ANKRD55: variants seen among roughly 807,000 people sequenced by gnomAD.
The protein encoded by ANKRD55 is ankyrin repeat domain 55, also known as ankyrin repeat domain-containing protein 55.
A neutral mutation model predicts 60.6 loss-of-function variants in ANKRD55; 41 were observed. That is an observed-to-expected ratio of 0.68 (90% CI 0.53 to 0.88). ANKRD55 has a LOEUF of 0.88. ANKRD55 is among the 40% of genes least tolerant of loss of function. The pLI, the probability that ANKRD55 is intolerant of heterozygous loss-of-function variation, is 0.00. For missense variants in ANKRD55, 732 were observed against 767.6 expected, an observed-to-expected ratio of 0.95 and a Z score of 0.55; for synonymous variants, 264 against 290.3, an observed-to-expected ratio of 0.91 and a Z score of 0.92.
intron 6 of ANKRD55, among the ~76,000 whole-genome samples, chr5:56,148,813 T>C (rs12515884): frequency 0.31 from 47,563 of 151,900 alleles, 8,621 homozygotes; most frequent in South Asian, 0.45. Context: ...GCTTGGTTTG[T>C]TCCCCGTCTT....
intron 2 of ANKRD55, among the ~76,000 whole-genome samples, chr5:56,225,965 G>C (rs1045309136): frequency 6.6e-6 from 1 of 152,144 alleles, no homozygotes; most frequent in Non-Finnish European, 1.5e-5. Flanking sequence ...TTTCTTCACA[G>C]AATTGGAAAA....
chr5:56,171,215 C>A (rs560030030), intron 4 of ANKRD55, among the ~76,000 whole-genome samples: 1 of 152,352 alleles, frequency 6.6e-6, no homozygotes, highest in African/African-American at 2.4e-5. Flanking sequence ...GCCTAGCAGT[C>A]TAACCTGAGC....
At chr5:56,102,460 GC>G in intron 11 of ANKRD55, 33 bp downstream of exon 11, 1 of 1,433,642 alleles carries the variant, frequency 7.0e-7, no homozygotes, top group African/African-American at 1.4e-5. Flanking sequence ...GTTAACACTT[GC>G]AAAGGAAGCT....
intron 2 of ANKRD55, among the ~76,000 whole-genome samples, chr5:56,186,325 G>A (rs571365726): frequency 1.8e-4 from 28 of 152,106 alleles, no homozygotes; most frequent in African/African-American, 6.0e-4. Context: ...GCACCACCAC[G>A]CCCAGCTAAT....
chr5:56,159,759 C>CA, intron 6 of ANKRD55, 74 bp downstream of exon 6: 1 of 1,467,128 alleles, frequency 6.8e-7, no homozygotes, highest in Admixed American at 1.7e-5. Flanking sequence ...AGAGGAAGCA[C>CA]AATGGTTCAG....
At chr5:56,216,245 C>T (rs760203571) in intron 2 of ANKRD55, among the ~76,000 whole-genome samples, 13 of 152,006 alleles carry the variant, frequency 8.6e-5, no homozygotes, top group East Asian at 7.7e-4. Context: ...TCCCATGGAC[C>T]GCATCCACAG....
intron 5 of ANKRD55, among the ~76,000 whole-genome samples, chr5:56,167,454 C>T (rs186391418): frequency 1.6e-3 from 245 of 152,276 alleles, no homozygotes; most frequent in African/African-American, 5.6e-3. Flanking sequence ...CATTATGCAG[C>T]GTGTGACTCT....
At position 56,178,321 on chromosome 5, in the gene ANKRD55, C is replaced by T. The variant is rs143665209; in HGVS notation, c.182-2039G>A. Among the ~76,000 whole-genome samples, 190 of 151,632 alleles carry T rather than the reference C, an allele frequency of 1.3e-3. 1 individual carries two copies. Among genetic ancestry groups the T allele is most frequent in the African/African-American group, 3.9e-3 (160 of 41,390 alleles). On this transcript the variant is annotated intron_variant, in intron 3 of 11. Transcript: ENST00000341048. ...CCTTCCACGTCAATGTCTCAACGTACGGGGATTACCGGCGTGAGCCACTGC... is the reference window on the plus strand; with the variant it reads ...CCTTCCACGTCAATGTCTCAACGTATGGGGATTACCGGCGTGAGCCACTGC...
chr5:56,137,058 C>T (rs574998056), intron 7 of ANKRD55: 7 of 807,728 alleles, frequency 8.7e-6, no homozygotes, highest in Non-Finnish European at 1.6e-5. Context: ...GTTCACTTTA[C>T]GAACACTTGT....
chr5:56,166,890 GT>G (rs1561278288), intron 5 of ANKRD55, among the ~76,000 whole-genome samples: 2 of 152,188 alleles, frequency 1.3e-5, no homozygotes, highest in African/African-American at 4.8e-5. Flanking sequence ...GAGCCAGGAA[GT>G]TTTGTAAGAC....
At chr5:56,156,180 A>G (rs947799004) in intron 6 of ANKRD55, among the ~76,000 whole-genome samples, 1 of 152,220 alleles carries the variant, frequency 6.6e-6, no homozygotes, top group African/African-American at 2.4e-5. Flanking sequence ...GATTCCAGAC[A>G]GCAGGCTGTG....
chr5:56,166,084 CTTTT>C lies in ANKRD55; in HGVS notation c.422+4606_422+4609del, dbSNP rs113885174. On this transcript the variant is annotated intron_variant, in intron 5 of 11. Transcript: ENST00000341048. ...GCCACCCTTCAGGGATCTTTCTTTT[CTTTT>C]TCTTTCTTTCTTTCTTTCTTTCTTT... Among the ~76,000 whole-genome samples, 720 of 76,876 alleles carry C rather than the reference CTTTT, an allele frequency of 9.4e-3. 25 individuals are homozygous for C. Among genetic ancestry groups the C allele is most frequent in the African/African-American group, 0.029 (505 of 17,696 alleles). 50.4% of individuals were successfully genotyped at this position (76,876 alleles called of 152,430 possible).
In ANKRD55 at chr5:56,113,986, C is replaced by CTATATATA. The variant is rs3055156; in HGVS notation, c.966-2212_966-2205dup. On this transcript the variant is annotated intron_variant, in intron 9 of 11. Transcript: ENST00000341048. ...GTATATTTATATCAAAATATGTATA[C>CTATATATA]TATATATATATATATATATATATAT... is the stretch of plus-strand genomic sequence containing the variant. Among the ~76,000 whole-genome samples the CTATATATA allele has an allele frequency of 6.1e-3, 854 of 139,042 alleles. 2 individuals carry two copies. The highest frequency in any genetic ancestry group is 0.01 in the South Asian group (43 of 4,282). 91.2% of individuals were successfully genotyped at this position (139,042 alleles called of 152,430 possible). A position where few individuals can be genotyped will look rare whatever the true frequency, so the allele number is the denominator to read the frequency against.
At chr5:56,184,262 C>A (rs1758917891) in intron 2 of ANKRD55, among the ~76,000 whole-genome samples, 1 of 152,218 alleles carries the variant, frequency 6.6e-6, no homozygotes, top group Admixed American at 6.5e-5. Context: ...CACTTCTCTC[C>A]CAACAGGAGG....
rs755482462 is a variant in ANKRD55 at position 56,100,309 on chromosome 5, G to GAAGA, written c.1724-9_1724-6dup. The GAAGA allele has an allele frequency of 1.2e-6, 2 of 1,614,110 alleles. No homozygotes were observed. The highest frequency in any genetic ancestry group is 1.7e-6 in the Non-Finnish European group (2 of 1,179,990). On this transcript the variant is annotated splice_region_variant and splice_polypyrimidine_tract_variant and intron_variant, in intron 11 of 11. Coordinates refer to ENST00000341048, the MANE Select transcript of ANKRD55 (RefSeq NM_024669.3). The stretch of plus-strand genomic sequence containing the variant: ...GCAGAGGTTCTCCAGATAGAACTGG[G>GAAGA]AAGAAAGAATAGAACAAGAGACTTT...
At chr5:56,216,834 CA>C (rs1320174704) in intron 2 of ANKRD55, among the ~76,000 whole-genome samples, 1 of 152,152 alleles carries the variant, frequency 6.6e-6, no homozygotes, top group African/African-American at 2.4e-5. Context: ...CTCTATAACA[CA>C]AAAATGGAAG....
At chr5:56,136,745 AC>A (rs1757608640) in intron 7 of ANKRD55, among the ~76,000 whole-genome samples, 1 of 151,588 alleles carries the variant, frequency 6.6e-6, no homozygotes, top group African/African-American at 2.4e-5. Flanking sequence ...ACATAATGAA[AC>A]CTCATCTCTA....
intron 2 of ANKRD55, among the ~76,000 whole-genome samples, chr5:56,190,939 CA>C (rs1224685893): frequency 1.3e-5 from 2 of 152,224 alleles, no homozygotes; most frequent in African/African-American, 4.8e-5. Flanking sequence ...ACACAACTTT[CA>C]GTGGGAACAT....
chr5:56,197,603 A>T (rs557086460), intron 2 of ANKRD55, among the ~76,000 whole-genome samples: 1 of 152,272 alleles, frequency 6.6e-6, no homozygotes, highest in South Asian at 2.1e-4. Flanking sequence ...TAGATAAATT[A>T]TTTTAGTATG....
Sources: gnomAD v4.1 joint callset for allele counts (sites outside exome capture counted in the v4.1 genomes callset) on GRCh38, gnomAD v4.1.1 for gene constraint, MANE v1.5 for transcripts, NCBI Gene and HGNC (gene_info 2026-07-23, HGNC 2026-07-21) for gene names.